The following CYP4Z1 variants were observed in gnomAD, a reference collection of about 807,000 sequenced individuals.
The protein encoded by CYP4Z1 is cytochrome P450 family 4 subfamily Z member 1.
A neutral mutation model predicts 54.2 loss-of-function variants in CYP4Z1; 41 were observed. That is an observed-to-expected ratio of 0.76 (90% CI 0.59 to 0.98). CYP4Z1 has a LOEUF of 0.98. Among genes scored for constraint, CYP4Z1 ranks in the 50% least tolerant of loss-of-function variants. The pLI, the probability that CYP4Z1 is intolerant of heterozygous loss-of-function variation, is 0.00. For missense variants in CYP4Z1, 513 were observed against 599.0 expected, an observed-to-expected ratio of 0.86 and a Z score of 1.50; for synonymous variants, 163 against 206.2, an observed-to-expected ratio of 0.79 and a Z score of 1.79.
intron 9 of CYP4Z1, among the ~76,000 whole-genome samples, chr1:47,112,669 G>A (rs1185708048): frequency 3.3e-5 from 5 of 151,836 alleles, no homozygotes; most frequent in African/African-American, 4.8e-5. Flanking sequence ...CCTGTAATCC[G>A]AACACTTTGT....
At chr1:47,067,189 C>G (rs931090112), upstream of CYP4Z1, among the ~76,000 whole-genome samples, 1 of 152,108 alleles carries the variant, frequency 6.6e-6, no homozygotes, top group Non-Finnish European at 1.5e-5. Flanking sequence ...TAGATGGGAA[C>G]TTTTAGATTC....
At chr1:47,106,805 T>C (rs1056417502) in intron 9 of CYP4Z1, among the ~76,000 whole-genome samples, 4 of 152,184 alleles carry the variant, frequency 2.6e-5, no homozygotes, top group Admixed American at 1.3e-4. Context: ...AGCAGACAGA[T>C]TTAAGACGTC....
At chr1:47,077,717 C>T (rs566019685) in intron 2 of CYP4Z1, among the ~76,000 whole-genome samples, 1 of 151,668 alleles carries the variant, frequency 6.6e-6, no homozygotes, top group South Asian at 2.1e-4. Flanking sequence ...AGCTCCTGGG[C>T]CCAAGTAATC....
chr1:47,077,041 G>A (rs1243824044), intron 2 of CYP4Z1, among the ~76,000 whole-genome samples: 1 of 151,646 alleles, frequency 6.6e-6, no homozygotes, highest in Non-Finnish European at 1.5e-5. Context: ...GTGTACTTGA[G>A]AAGAACATGT....
In CYP4Z1 at chr1:47,067,393, T is replaced by G; in HGVS notation, c.-98T>G. The G allele has an allele frequency of 9.5e-7, 1 of 1,056,292 alleles. No individual in the cohort carries two copies. Among genetic ancestry groups the G allele is most frequent in the Middle Eastern group, 2.5e-4 (1 of 3,940 alleles). 65.4% of individuals were successfully genotyped at this position (1,056,292 alleles called of 1,614,324 possible). On this transcript the variant is annotated 5_prime_UTR_variant, in exon 1 of 12. Coordinates refer to ENST00000334194, the MANE Select transcript of CYP4Z1 (RefSeq NM_178134.3). ...TGAATATGGCATTTTGAAAGCCCAGTGTTGCCCAGGGGGCATCTCCTTTGT... is the reference window on the plus strand; with the variant it reads ...TGAATATGGCATTTTGAAAGCCCAGGGTTGCCCAGGGGGCATCTCCTTTGT...
At chr1:47,060,113 T>A in the CYP4Z1 span, among the ~76,000 whole-genome samples, 5 of 152,256 alleles carry the variant, frequency 3.3e-5, no homozygotes, top group Admixed American at 2.0e-4. Flanking sequence ...TTTACATTTT[T>A]AAATATTTGT....
chr1:47,098,619 A>G (rs553880223), intron 7 of CYP4Z1, among the ~76,000 whole-genome samples: 44 of 152,278 alleles, frequency 2.9e-4, no homozygotes, highest in African/African-American at 1.0e-3. Flanking sequence ...TGCTCTTTTC[A>G]CCTAATAATA....
chr1:47,098,486 C>T (rs1260005231), intron 7 of CYP4Z1, among the ~76,000 whole-genome samples: 1 of 152,158 alleles, frequency 6.6e-6, no homozygotes. Context: ...CTAAAGAAAA[C>T]TAAAACTGCC....
At chr1:47,108,569 C>T (rs1429902703) in intron 9 of CYP4Z1, among the ~76,000 whole-genome samples, 2 of 152,096 alleles carry the variant, frequency 1.3e-5, no homozygotes, top group Admixed American at 6.5e-5. Flanking sequence ...GTATCACTTA[C>T]ACATTGTCAT....
At chr1:47,094,522 C>T in intron 6 of CYP4Z1, 44 bp from the exon 7 acceptor site, 1 of 1,341,380 alleles carries the variant, frequency 7.5e-7, no homozygotes, top group Non-Finnish European at 1.0e-6. Flanking sequence ...GATTGACTTT[C>T]CAGTAACCTT....
intron 7 of CYP4Z1, 74 bp from the exon 8 acceptor site, chr1:47,099,020 T>C (rs1346421572): frequency 1.4e-5 from 21 of 1,508,140 alleles, no homozygotes. Context: ...TCTTTTTGTA[T>C]TATCATTGCT....
intron 8 of CYP4Z1, among the ~76,000 whole-genome samples, chr1:47,101,660 C>A (rs1022187484): frequency 6.6e-6 from 1 of 151,962 alleles, no homozygotes; most frequent in Non-Finnish European, 1.5e-5. Flanking sequence ...ACTTTTGTGT[C>A]CTAACATACA....
rs1234005820 is a variant in CYP4Z1 at position 47,067,651 on chromosome 1, T to C, written c.161T>C (p.Phe54Ser). 6.2e-7 allele frequency: 1 copy of C among 1,607,826 alleles called. No homozygotes were observed. Among genetic ancestry groups the C allele is most frequent in the Non-Finnish European group, 8.5e-7 (1 of 1,176,168 alleles). Residue 54 changes from phenylalanine to serine, a missense_variant, in exon 1 of 12, where the codon TTC (phenylalanine) becomes TCC (serine). Transcript: ENST00000334194. ...TTTCCTGCACCCCCTGCCCACTGGTTCTATGGCCACAAGGAGGTAAGAGGA... is the reference window on the plus strand; with the variant it reads ...TTTCCTGCACCCCCTGCCCACTGGTCCTATGGCCACAAGGAGGTAAGAGGA... ...HLFPAPPAHW[F>S]YGHKEFYPVK...
At chr1:47,079,870 A>G (rs1446293981) in intron 2 of CYP4Z1, among the ~76,000 whole-genome samples, 2 of 61,548 alleles carry the variant, frequency 3.2e-5, no homozygotes. Flanking sequence ...GGACAGAGGG[A>G]GAGAGAGAGA....
chr1:47,112,817 AG>A (rs1396400226), intron 9 of CYP4Z1, among the ~76,000 whole-genome samples: 1 of 152,180 alleles, frequency 6.6e-6, no homozygotes, highest in Non-Finnish European at 1.5e-5. Context: ...GTTCAATATT[AG>A]GAATCCATTA....
At chr1:47,110,803 C>G (rs902052982) in intron 9 of CYP4Z1, among the ~76,000 whole-genome samples, 13 of 150,912 alleles carry the variant, frequency 8.6e-5, no homozygotes, top group African/African-American at 2.7e-4. Context: ...AGGTTAGACC[C>G]TATGATTGAG....
Position 47,084,670 on chromosome 1 carries a change from A to G in CYP4Z1, c.543A>G (p.Gln181=). ...AAAACTCACGTCTGGAGCTCTTTCA[A>G]CATGTCTCCCTGATGACCCTGGACA... ...IAQNSRLELF[Q]HVSLMTLDSI... Residue 181 remains glutamine, a synonymous_variant, in exon 5 of 12, where the codon CAA becomes CAG. Transcript: ENST00000334194. 4.4e-6 allele frequency: 7 copies of G among 1,608,684 alleles called. No individual in the cohort carries two copies. Among genetic ancestry groups the G allele is most frequent in the Non-Finnish European group, 5.1e-6 (6 of 1,178,214 alleles).
At chr1:47,072,871 G>A (rs1644492464) in intron 2 of CYP4Z1, among the ~76,000 whole-genome samples, 2 of 151,460 alleles carry the variant, frequency 1.3e-5, no homozygotes, top group Middle Eastern at 3.4e-3. Context: ...CCATATATAG[G>A]GGCTATTGCC....
At chr1:47,063,113 G>A (rs1203044293), upstream of CYP4Z1, among the ~76,000 whole-genome samples, 1 of 152,086 alleles carries the variant, frequency 6.6e-6, no homozygotes, top group Non-Finnish European at 1.5e-5. Flanking sequence ...AGCTCTGCTG[G>A]GTGGCTAGAC....
Sources: allele counts gnomAD v4.1 joint callset (sites outside exome capture counted in the v4.1 genomes callset), GRCh38; gene constraint gnomAD v4.1.1; transcripts MANE v1.5; gene names NCBI Gene and HGNC (gene_info 2026-07-23, HGNC 2026-07-21).